The following TULP3 variants were observed in gnomAD, a reference collection of about 807,000 sequenced individuals.
TULP3 encodes tubby-related protein 3.
A neutral mutation model predicts 50.7 loss-of-function variants in TULP3; 38 were observed. The observed-to-expected ratio is 0.75, with a 90% CI of 0.58 to 0.98. The LOEUF (loss-of-function observed/expected upper bound fraction) is 0.98. TULP3 is among the 50% of genes least tolerant of loss of function. TULP3 has a pLI of 0.00. For synonymous variants in TULP3, 183 were observed against 196.6 expected (o/e 0.93, Z 0.58); for missense variants, 550 against 568.0 (o/e 0.97, Z 0.32).
At chr12:2,929,517 G>T (rs1051410260) in intron 4 of TULP3, among the ~76,000 whole-genome samples, 2 of 152,152 alleles carry the variant, frequency 1.3e-5, no homozygotes, top group African/African-American at 4.8e-5. Context: ...CAAACTGGTG[G>T]CCTCAAGCAG....
intron 4 of TULP3, 42 bp downstream of exon 4, chr12:2,922,444 T>C (rs768471678): frequency 1.3e-6 from 2 of 1,585,762 alleles, no homozygotes; most frequent in East Asian, 4.5e-5. Context: ...GTCTCCTTAC[T>C]CAATTGTAAT....
At chr12:2,932,971 C>T (rs370628167) in intron 6 of TULP3, among the ~76,000 whole-genome samples, 1 of 150,610 alleles carries the variant, frequency 6.6e-6, no homozygotes, top group East Asian at 1.9e-4. Flanking sequence ...GAGACAGAGT[C>T]TCATTCTGTC....
At chr12:2,895,987 C>T (rs1342164798) in intron 1 of TULP3, among the ~76,000 whole-genome samples, 2 of 150,168 alleles carry the variant, frequency 1.3e-5, no homozygotes, top group Non-Finnish European at 2.9e-5. Flanking sequence ...GTTACTCAGG[C>T]TGGAGTGCAA....
At chr12:2,902,630 G>A (rs1483183313) in intron 1 of TULP3, among the ~76,000 whole-genome samples, 3 of 152,144 alleles carry the variant, frequency 2.0e-5, no homozygotes, top group African/African-American at 4.8e-5. Context: ...TGAGAGTCCC[G>A]AATAATCATA....
At chr12:2,916,336 T>C (rs1403377386) in intron 2 of TULP3, among the ~76,000 whole-genome samples, 1 of 152,236 alleles carries the variant, frequency 6.6e-6, no homozygotes, top group African/African-American at 2.4e-5. Flanking sequence ...AGTTATTTCA[T>C]GGAAATTTCC....
At chr12:2,905,763 A>G (rs371008739) in intron 1 of TULP3, among the ~76,000 whole-genome samples, 24 of 151,862 alleles carry the variant, frequency 1.6e-4, no homozygotes, top group Non-Finnish European at 2.6e-4. Context: ...TTTTTTCACT[A>G]TTTGAGGCCT....
chr12:2,901,626 G>A (rs1048645815), intron 1 of TULP3, among the ~76,000 whole-genome samples: 3 of 151,852 alleles, frequency 2.0e-5, no homozygotes, highest in Admixed American at 6.6e-5. Flanking sequence ...CAAGTCATAT[G>A]CCCGTCTCAG....
intron 5 of TULP3, 32 bp from the exon 6 acceptor site, chr12:2,931,005 C>A: frequency 6.2e-7 from 1 of 1,612,104 alleles, no homozygotes; most frequent in Non-Finnish European, 8.5e-7. Flanking sequence ...GAGTCTCGGC[C>A]TGTTGTTGCT....
intron 4 of TULP3, among the ~76,000 whole-genome samples, chr12:2,926,167 T>C (rs912328558): frequency 2.0e-5 from 3 of 152,138 alleles, no homozygotes; most frequent in African/African-American, 7.2e-5. Flanking sequence ...AGCCATACGA[T>C]AGTGATATCT....
At chr12:2,892,082 T>TAA (rs58111941) in intron 1 of TULP3, among the ~76,000 whole-genome samples, 65 of 149,508 alleles carry the variant, frequency 4.3e-4, no homozygotes, top group African/African-American at 1.3e-3. Context: ...CCTGTCACCT[T>TAA]AAAAAAAAAA....
At position 2,939,319 on chromosome 12, in the gene TULP3, A is replaced by G; in HGVS notation, c.1204A>G (p.Ile402Val). The G allele has an allele frequency of 8.7e-6, 14 of 1,614,096 alleles. No homozygotes were observed. Among genetic ancestry groups the G allele is most frequent in the Non-Finnish European group, 1.2e-5 (14 of 1,180,000 alleles). ...QIVHKNDPDY[I>V]VMQFGRVADD... ...TTTCTTTCTGTTTCTAGCTGATTAT[A>G]TAGTCATGCAGTTTGGACGTGTGGC... The change falls in exon 11 of 11, where the codon ATA (isoleucine) becomes GTA (valine). Residue 402 changes from isoleucine to valine, a missense_variant. Transcript: ENST00000448120. This position sits in a 1 kb window ranked among gnomAD's most constrained non-coding sequence, Gnocchi z 4.0.
At chr12:2,930,183 T>C (rs1258924441) in intron 4 of TULP3, 65 bp from the exon 5 acceptor site, 18 of 1,106,928 alleles carry the variant, frequency 1.6e-5, no homozygotes, top group Middle Eastern at 2.0e-4. Flanking sequence ...ATTAAAACTA[T>C]CTTTGTTTCA....
At chr12:2,911,664 C>CTTTTTTTTTTTTT (rs56027951) in intron 2 of TULP3, among the ~76,000 whole-genome samples, 19 of 38,170 alleles carry the variant, frequency 5.0e-4, no homozygotes, top group South Asian at 1.2e-3. Context: ...TGCGCCCAGC[C>CTTTTTTTTTTTTT]TTTTTTTTTT....
chr12:2,913,201 T>TTC (rs2098186630), intron 2 of TULP3, among the ~76,000 whole-genome samples: 1 of 146,486 alleles, frequency 6.8e-6, no homozygotes, highest in Admixed American at 6.9e-5. Flanking sequence ...TATGTTGAGT[T>TTC]TGTGTGTGTG....
In TULP3 at chr12:2,933,516, T is replaced by C. The variant is rs369214279; in HGVS notation, c.795T>C (p.Tyr265=). The C allele has an allele frequency of 3.7e-6, 6 of 1,613,146 alleles. No individual in the cohort carries two copies. Among genetic ancestry groups the C allele is most frequent in the East Asian group, 2.2e-5 (1 of 44,896 alleles). Residue 265 remains tyrosine (Y), a synonymous_variant, in exon 7 of 11, where the codon TAT becomes TAC. Coordinates refer to ENST00000448120, the MANE Select transcript of TULP3 (RefSeq NM_003324.5). The stretch of plus-strand genomic sequence containing the variant: ...ATTTATCTCGTGAAGGAGAAAGTTA[T>C]GTCGGCAAGCTTAGGTGAAAGCAAC... The part of the protein sequence containing the change: ...PVDLSREGES[Y]VGKLRSNLMG...
chr12:2,906,877 T>C (rs2098182621), intron 1 of TULP3, among the ~76,000 whole-genome samples: 1 of 151,498 alleles, frequency 6.6e-6, no homozygotes, highest in Non-Finnish European at 1.5e-5. Context: ...GATCACGTCA[T>C]TGTACTCCAG....
At chr12:2,906,713 T>C (rs1413406286) in intron 1 of TULP3, among the ~76,000 whole-genome samples, 5 of 147,514 alleles carry the variant, frequency 3.4e-5, no homozygotes, top group East Asian at 2.2e-4. Flanking sequence ...GTCAGGAGTT[T>C]GAGACCAGCC....
chr12:2,937,730 G>A lies in TULP3; in HGVS notation c.1023+1G>A, dbSNP rs202037575. 59 of 1,607,882 alleles carry A rather than the reference G, an allele frequency of 3.7e-5. No individual in the cohort carries two copies. The highest frequency in any genetic ancestry group is 4.4e-5 in the South Asian group (4 of 90,622). Reference sequence around the variant, plus strand: ...GCAGATCCCCTATCAGCCACAAAACGTGAGTAAGAATGTATTTAAATCAGT... The same window carrying A: ...GCAGATCCCCTATCAGCCACAAAACATGAGTAAGAATGTATTTAAATCAGT... On this transcript the variant is annotated splice_donor_variant, in intron 9 of 10. Transcript: ENST00000448120. LOFTEE classifies it high-confidence loss of function.
chr12:2,930,913 C>T, intron 5 of TULP3, 124 bp from the exon 6 acceptor site: 1 of 1,046,402 alleles, frequency 9.6e-7, no homozygotes, highest in African/African-American at 1.6e-5. Context: ...CAGTTTTCCT[C>T]ATTCTGTCAG....
Sources: gnomAD v4.1 joint callset for allele counts (sites outside exome capture counted in the v4.1 genomes callset) on GRCh38, gnomAD v4.1.1 for gene constraint, Gnocchi (gnomAD v3.1) non-coding constraint, MANE v1.5 for transcripts, NCBI Gene and HGNC (gene_info 2026-07-23, HGNC 2026-07-21) for gene names.